Variants in ARMC9 observed in about 807,000 individuals in gnomAD.
ARMC9 encodes armadillo repeat containing 9, also known as lisH domain-containing protein ARMC9.
ARMC9 carries 94 observed loss-of-function variants against 107.0 expected under a neutral mutation model. The observed-to-expected ratio is 0.88, with a 90% CI of 0.74 to 1.04. ARMC9 has a LOEUF of 1.04. ARMC9 is among the 50% of genes least tolerant of loss of function. ARMC9 has a pLI of 0.00. For missense variants in ARMC9, 942 were observed against 1,030.1 expected (o/e 0.91, Z 1.17); for synonymous variants, 380 against 396.9 (o/e 0.96, Z 0.51).
rs1328634008 is a variant in ARMC9 at position 231,208,123 on chromosome 2, A to G, written c.52-4A>G. The G allele has an allele frequency of 1.6e-6, 2 of 1,220,620 alleles. No homozygotes were observed. Among genetic ancestry groups the G allele is most frequent in the East Asian group, 4.9e-5 (2 of 40,986 alleles). The allele number at this position is 1,220,620 out of a possible 1,614,324, so 75.6% of individuals were successfully genotyped here. On this transcript the variant is annotated splice_region_variant and splice_polypyrimidine_tract_variant and intron_variant, in intron 2 of 24. Transcript: ENST00000611582. ...TGTTGAATTGAATTATTTATTTTTTATAGTATTTAGATTTTGCTGAATTTG... is the reference window on the plus strand; with the variant it reads ...TGTTGAATTGAATTATTTATTTTTTGTAGTATTTAGATTTTGCTGAATTTG...
chr2:231,326,751 TG>T (rs1326882152), intron 19 of ARMC9, among the ~76,000 whole-genome samples: 2 of 152,204 alleles, frequency 1.3e-5, no homozygotes, highest in Non-Finnish European at 2.9e-5. Context: ...GGAAACTGAC[TG>T]GGGCAAATCA....
intron 3 of ARMC9, among the ~76,000 whole-genome samples, chr2:231,212,269 G>A (rs185360192): frequency 1.3e-5 from 2 of 152,166 alleles, no homozygotes; most frequent in African/African-American, 2.4e-5. Context: ...TTTTGTGACT[G>A]TAAGTTATAA....
intron 7 of ARMC9, among the ~76,000 whole-genome samples, chr2:231,231,838 G>A (rs565634066): frequency 1.4e-3 from 213 of 151,960 alleles, no homozygotes; most frequent in Admixed American, 1.3e-3. Flanking sequence ...ACAAGAGTGC[G>A]CCACCATGCC....
At chr2:231,212,490 C>G (rs757774797) in intron 3 of ARMC9, among the ~76,000 whole-genome samples, 10 of 152,232 alleles carry the variant, frequency 6.6e-5, no homozygotes, top group Non-Finnish European at 1.3e-4. Context: ...GATAAAATAA[C>G]TTTTCTTTAA....
At position 231,247,566 on chromosome 2, in the gene ARMC9, C is replaced by A. The variant is rs61018553; in HGVS notation, c.879+7525C>A. Among the ~76,000 whole-genome samples, 1,338 of 152,308 alleles carry A rather than the reference C, an allele frequency of 8.8e-3. 24 individuals are homozygous for A. The highest frequency in any genetic ancestry group is 0.029 in the African/African-American group (1,208 of 41,560). On this transcript the variant is annotated intron_variant, in intron 9 of 24. Transcript: ENST00000611582. ...TATTGAGGAGTCTCCCAACCAGCAC[C>A]CCTGACCCTGCTATACCTCGTATAC...
In ARMC9 at chr2:231,270,964, CT is replaced by C. The variant is rs767167711; in HGVS notation, c.1120-16del. 5.0e-6 allele frequency: 8 copies of C among 1,612,846 alleles called. No individual in the cohort carries two copies. In the Admixed American group the frequency reaches 1.3e-4, roughly 27 times the overall value. On this transcript the variant is annotated splice_polypyrimidine_tract_variant and intron_variant, in intron 12 of 24. Coordinates refer to ENST00000611582, the MANE Select transcript of ARMC9 (RefSeq NM_001352754.2). Reference sequence around the variant, plus strand: ...CCGTGTTCTTAACCTTGTTTTTCCTCTTGACGTTTTCCCCCAGAGGAGTGTG... The same window carrying C: ...CCGTGTTCTTAACCTTGTTTTTCCTCTGACGTTTTCCCCCAGAGGAGTGTG...
chr2:231,376,294 G>A lies in ARMC9; in HGVS notation c.*4759G>A, dbSNP rs538898271. ...AACTCTGACCACTGGTGAGTCGGGC[G>A]GAACAGAGCCATATTTCTCTTCTTT... On this transcript the variant is annotated 3_prime_UTR_variant, in exon 25 of 25. Coordinates refer to ENST00000611582, the MANE Select transcript of ARMC9 (RefSeq NM_001352754.2). 7.7e-3 allele frequency among the ~76,000 whole-genome samples: 1,169 copies of A among 152,244 alleles called. 12 individuals are homozygous for A. The highest frequency in any genetic ancestry group is 0.027 in the African/African-American group (1,117 of 41,508).
At chr2:231,206,175 T>A in intron 1 of ARMC9, 23 bp from the exon 2 acceptor site, 1 of 1,403,532 alleles carries the variant, frequency 7.1e-7, no homozygotes, top group Non-Finnish European at 1.0e-6. Flanking sequence ...TGAAAGCTGT[T>A]GTCTTGTATT....
intron 20 of ARMC9, among the ~76,000 whole-genome samples, chr2:231,339,036 AT>A (rs1246546693): frequency 6.6e-6 from 1 of 152,232 alleles, no homozygotes; most frequent in East Asian, 1.9e-4. Flanking sequence ...TTACTTAAAA[AT>A]TATATGTATA....
At chr2:231,224,046 A>G (rs1465435078) in intron 6 of ARMC9, among the ~76,000 whole-genome samples, 2 of 152,124 alleles carry the variant, frequency 1.3e-5, no homozygotes, top group Non-Finnish European at 2.9e-5. Context: ...CAGTGTGCCC[A>G]GAGTAGCTCA....
At chr2:231,310,981 G>A (rs1479947254) in intron 19 of ARMC9, among the ~76,000 whole-genome samples, 3 of 152,008 alleles carry the variant, frequency 2.0e-5, no homozygotes, top group Admixed American at 1.3e-4. Flanking sequence ...TTAAAAATTA[G>A]CTAAGTGTGC....
chr2:231,354,290 T>A (rs1031825383), intron 21 of ARMC9, among the ~76,000 whole-genome samples: 1 of 132,766 alleles, frequency 7.5e-6, no homozygotes, highest in African/African-American at 3.7e-5. Context: ...AAAAAAAGAC[T>A]GATTGCGCAC....
chr2:231,365,438 C>T lies in ARMC9; in HGVS notation c.2262-4515C>T, dbSNP rs558534067. ...TTTGCAATGCTGCTGAGTCATAATCCGGCTGCTAAGCATCACCCAGCAGAG... is the reference window on the plus strand; with the variant it reads ...TTTGCAATGCTGCTGAGTCATAATCTGGCTGCTAAGCATCACCCAGCAGAG... On this transcript the variant is annotated intron_variant, in intron 23 of 24. Transcript: ENST00000611582. Among the ~76,000 whole-genome samples the T allele has an allele frequency of 7.2e-5, 11 of 152,216 alleles. No individual in the cohort carries two copies. The East Asian group carries it at 1.4e-3, about 19-fold the overall frequency.
intron 22 of ARMC9, among the ~76,000 whole-genome samples, chr2:231,356,140 C>T (rs1309783839): frequency 6.6e-6 from 1 of 152,218 alleles, no homozygotes; most frequent in African/African-American, 2.4e-5. Context: ...CTTCTCAGAG[C>T]ACTGCCTGTT....
intron 7 of ARMC9, among the ~76,000 whole-genome samples, chr2:231,227,408 G>A (rs2034752481): frequency 6.6e-6 from 1 of 152,192 alleles, no homozygotes; most frequent in Non-Finnish European, 1.5e-5. Context: ...ACTACGTTTT[G>A]ACAGCTGCTT....
rs1575047203 is a variant in ARMC9 at position 231,313,299 on chromosome 2, C to T, written c.1773+17046C>T. Among the ~76,000 whole-genome samples the T allele has an allele frequency of 2.6e-5, 4 of 152,336 alleles. No homozygotes were observed. In the South Asian group the frequency reaches 6.2e-4, roughly 24 times the overall value. On this transcript the variant is annotated intron_variant, in intron 19 of 24. Coordinates refer to ENST00000611582, the MANE Select transcript of ARMC9 (RefSeq NM_001352754.2). ...ATATAGCCACTTCAGCTCTCTCATGCTTGCTGTTTGCATGACATGTTTTAT... is the reference window on the plus strand; with the variant it reads ...ATATAGCCACTTCAGCTCTCTCATGTTTGCTGTTTGCATGACATGTTTTAT...
At chr2:231,278,631 A>C (rs1053089677) in intron 16 of ARMC9, among the ~76,000 whole-genome samples, 173 bp downstream of exon 16, 1 of 152,204 alleles carries the variant, frequency 6.6e-6, no homozygotes, top group African/African-American at 2.4e-5. Flanking sequence ...TATAATTTTT[A>C]GAATTTTGGA....
In ARMC9 at chr2:231,358,018, G is replaced by A. The variant is rs901926210; in HGVS notation, c.2131+2084G>A. Among the ~76,000 whole-genome samples the A allele has an allele frequency of 6.6e-6, 1 of 152,166 alleles. No individual in the cohort carries two copies. Among genetic ancestry groups the A allele is most frequent in the Non-Finnish European group, 1.5e-5 (1 of 68,030 alleles). On this transcript the variant is annotated intron_variant, in intron 22 of 24. Coordinates refer to ENST00000611582, the MANE Select transcript of ARMC9 (RefSeq NM_001352754.2). This position sits in a 1 kb window ranked among gnomAD's most constrained non-coding sequence, Gnocchi z 4.5. ...TTCTGACCTTCTTTCAGACAGGCCT[G>A]CCCACGGCCTGTTGCGTCTCCCCAG...
In ARMC9 at chr2:231,358,402, G is replaced by C. The variant is rs1172707169; in HGVS notation, c.2132-2352G>C. On this transcript the variant is annotated intron_variant, in intron 22 of 24. Transcript: ENST00000611582. The surrounding 1 kb of genome is among the most constrained non-coding windows in gnomAD (Gnocchi z 4.5). ...TGATTGTAGAGAGAGGTGTCTCTCT[G>C]TGCTGCCCAGGCTGGTCTTGAACCC... 6.6e-6 allele frequency among the ~76,000 whole-genome samples: 1 copy of C among 150,446 alleles called. No individual in the cohort carries two copies. The highest frequency in any genetic ancestry group is 2.5e-5 in the African/African-American group (1 of 39,962).
Sources: gnomAD v4.1 joint callset for allele counts (sites outside exome capture counted in the v4.1 genomes callset) on GRCh38, gnomAD v4.1.1 for gene constraint, Gnocchi (gnomAD v3.1) non-coding constraint, MANE v1.5 for transcripts, NCBI Gene and HGNC (gene_info 2026-07-23, HGNC 2026-07-21) for gene names.